The following FRMD4A variants were observed in gnomAD, a reference collection of about 807,000 sequenced individuals.
FRMD4A encodes FERM domain containing 4A.
FRMD4A carries 29 observed loss-of-function variants against 129.1 expected under a neutral mutation model. The ratio of observed to expected loss-of-function variants is 0.22; its 90% CI spans 0.17 to 0.31. The LOEUF is 0.31. Ranked by LOEUF, FRMD4A falls within the 10% of genes least tolerant of loss-of-function variation. The probability of loss-of-function intolerance (pLI) is 1.00; values close to 1 mark genes in which losing one functional copy is unlikely to be tolerated. For missense variants in FRMD4A, 1,272 were observed against 1,375.8 expected, an observed-to-expected ratio of 0.92 and a Z score of 1.19; for synonymous variants, 634 against 571.6, an observed-to-expected ratio of 1.11 and a Z score of -1.56.
At chr10:13,674,813 ATCAG>A in intron 16 of FRMD4A, 94 bp downstream of exon 16, 3 of 1,311,662 alleles carry the variant, frequency 2.3e-6, no homozygotes, top group Non-Finnish European at 3.3e-6. Context: ...ATCAAATGAC[ATCAG>A]TCAAATGACA....
At chr10:13,964,832 G>A (rs1282772384) in intron 2 of FRMD4A, among the ~76,000 whole-genome samples, 1 of 151,958 alleles carries the variant, frequency 6.6e-6, no homozygotes, top group African/African-American at 2.4e-5. Flanking sequence ...GGGCCTACAG[G>A]TGCCCATCAC....
At chr10:13,867,985 G>A (rs1047519461) in intron 2 of FRMD4A, among the ~76,000 whole-genome samples, 1 of 147,206 alleles carries the variant, frequency 6.8e-6, no homozygotes, top group Admixed American at 6.9e-5. Flanking sequence ...TGGGCATGGT[G>A]GCTCACCCCT....
At chr10:13,866,765 A>G (rs1035613357) in intron 2 of FRMD4A, among the ~76,000 whole-genome samples, 1 of 152,196 alleles carries the variant, frequency 6.6e-6, no homozygotes, top group Non-Finnish European at 1.5e-5. Context: ...CAGCTTGGCC[A>G]ACATGGTGAA....
intron 2 of FRMD4A, among the ~76,000 whole-genome samples, chr10:14,131,401 C>CCCA (rs1011892585): frequency 4.2e-4 from 63 of 151,790 alleles, no homozygotes; most frequent in South Asian, 1.3e-3. Flanking sequence ...ACTGTGCCCC[C>CCCA]CCCGGCCGCC....
chr10:14,101,726 TAACACAACACAACACAACAC>T (rs59561035), intron 2 of FRMD4A, among the ~76,000 whole-genome samples: 1,626 of 146,518 alleles, frequency 0.011, 32 homozygotes, highest in African/African-American at 0.037. Flanking sequence ...GCCTGGCTTC[TAACACAACACAACACAACAC>T]AACACAACAC....
At chr10:13,970,615 C>A (rs945575150) in intron 2 of FRMD4A, among the ~76,000 whole-genome samples, 2 of 152,146 alleles carry the variant, frequency 1.3e-5, no homozygotes, top group Non-Finnish European at 2.9e-5. Context: ...AACTGGGTTA[C>A]AAACACCCGT....
At chr10:13,843,482 A>G (rs1272315734) in intron 3 of FRMD4A, among the ~76,000 whole-genome samples, 1 of 152,128 alleles carries the variant, frequency 6.6e-6, no homozygotes, top group Admixed American at 6.5e-5. Context: ...AAGAGTCACG[A>G]TGGGAAGAAA....
intron 2 of FRMD4A, among the ~76,000 whole-genome samples, chr10:13,938,180 TAGA>T (rs2095263257): frequency 1.3e-5 from 2 of 152,180 alleles, no homozygotes; most frequent in Admixed American, 6.5e-5. Flanking sequence ...CTCTCAGTAT[TAGA>T]AGTTTTCCTT....
At chr10:13,956,689 T>C (rs2095412032) in intron 2 of FRMD4A, among the ~76,000 whole-genome samples, 1 of 152,210 alleles carries the variant, frequency 6.6e-6, no homozygotes, top group South Asian at 2.1e-4. Flanking sequence ...GATGTATGGC[T>C]GTGTATTTTT....
chr10:13,812,248 C>T (rs752334150), intron 3 of FRMD4A, among the ~76,000 whole-genome samples: 11 of 152,160 alleles, frequency 7.2e-5, no homozygotes, highest in Non-Finnish European at 1.6e-4. Context: ...AAAATGCATG[C>T]GTTAAAGCTC....
rs1350318927 is a variant in FRMD4A, at chr10:13,924,817, C to T, written c.46-65905G>A. On this transcript the variant is annotated intron_variant, in intron 2 of 24. Coordinates refer to ENST00000357447, the MANE Select transcript of FRMD4A (RefSeq NM_018027.5). Reference sequence around the variant, plus strand: ...CATCTGTTGAAAGAATGACTTCCAGCACTTTGGGAGGCCGAAGCGGGCGGA... The same window carrying T: ...CATCTGTTGAAAGAATGACTTCCAGTACTTTGGGAGGCCGAAGCGGGCGGA... Among the ~76,000 whole-genome samples, 4 of 152,024 alleles carry T rather than the reference C, an allele frequency of 2.6e-5. No homozygotes were observed. The East Asian group carries it at 5.8e-4, about 22-fold the overall frequency.
At chr10:13,859,764 G>A (rs1360257384) in intron 2 of FRMD4A, among the ~76,000 whole-genome samples, 4 of 152,032 alleles carry the variant, frequency 2.6e-5, no homozygotes, top group Non-Finnish European at 4.4e-5. Context: ...TCCCTACAGC[G>A]CTGTCACCAA....
rs577584786 is a variant in FRMD4A at position 14,015,233 on chromosome 10, TTCCC to T, written c.46-156325_46-156322del. 9.9e-3 allele frequency among the ~76,000 whole-genome samples: 732 copies of T among 74,022 alleles called. 14 individuals are homozygous for T. Among genetic ancestry groups the T allele is most frequent in the African/African-American group, 0.026 (461 of 17,772 alleles). The allele number at this position is 74,022 out of a possible 152,430, so 48.6% of individuals were successfully genotyped here. ...TTTCTTCCCTTCCCTTTCTCCTTCC[TTCCC>T]TCCCTCCCTCCCTCCCTTCCTTCCT... On this transcript the variant is annotated intron_variant, in intron 2 of 24. Transcript: ENST00000357447.
At chr10:13,938,621 C>T (rs181056908) in intron 2 of FRMD4A, among the ~76,000 whole-genome samples, 38 of 152,238 alleles carry the variant, frequency 2.5e-4, no homozygotes, top group Non-Finnish European at 3.7e-4. Flanking sequence ...ACATTTTTAT[C>T]CAGCACAAAA....
At chr10:13,803,164 A>AAG (rs1554906296) in intron 4 of FRMD4A, among the ~76,000 whole-genome samples, 10 of 149,724 alleles carry the variant, frequency 6.7e-5, no homozygotes, top group South Asian at 4.2e-4. Context: ...AAAAAAAAAA[A>AAG]GGGACAGACC....
chr10:14,010,578 G>T (rs192844533), intron 2 of FRMD4A, among the ~76,000 whole-genome samples: 2 of 142,922 alleles, frequency 1.4e-5, no homozygotes, highest in Non-Finnish European at 3.1e-5. Context: ...GGCTCTCAAA[G>T]GTTGCTGGTC....
intron 2 of FRMD4A, among the ~76,000 whole-genome samples, chr10:14,305,478 C>T (rs1846318575): frequency 6.6e-6 from 1 of 152,200 alleles, no homozygotes. Context: ...ACAAAGTTCT[C>T]ATGCCAAGGA....
intron 2 of FRMD4A, chr10:13,891,757 AGCCCCCGCCCCGTCCCCGCCGCC>A (rs2094699797): frequency 2.0e-6 from 2 of 982,556 alleles, no homozygotes; most frequent in Non-Finnish European, 2.4e-6. Flanking sequence ...GCAGCTGGCG[AGCCCCCGCCCCGTCCCCGCCGCC>A]GCCCCCGCCG....
At chr10:13,871,470 G>A (rs1466443402) in intron 2 of FRMD4A, among the ~76,000 whole-genome samples, 2 of 152,180 alleles carry the variant, frequency 1.3e-5, no homozygotes, top group East Asian at 1.9e-4. Flanking sequence ...GGAGAAACCA[G>A]CTACCCCACT....
Sources: gnomAD v4.1 joint callset for allele counts (sites outside exome capture counted in the v4.1 genomes callset) on GRCh38, gnomAD v4.1.1 for gene constraint, MANE v1.5 for transcripts, NCBI Gene and HGNC (gene_info 2026-07-23, HGNC 2026-07-21) for gene names.